KAZN: variants seen among roughly 807,000 people sequenced by gnomAD.
KAZN encodes the protein kazrin, periplakin interacting protein.
In KAZN, 40 loss-of-function variants were observed where a neutral mutation model predicts 87.4. That is an observed-to-expected ratio of 0.46 (90% CI 0.36 to 0.60). The LOEUF (loss-of-function observed/expected upper bound fraction) is 0.60. Among genes scored for constraint, KAZN ranks in the 20% least tolerant of loss-of-function variants. The pLI, the probability that KAZN is intolerant of heterozygous loss-of-function variation, is 0.00. For missense variants in KAZN, 898 were observed against 1,073.9 expected, an observed-to-expected ratio of 0.84 and a Z score of 2.29; for synonymous variants, 466 against 458.3, an observed-to-expected ratio of 1.02 and a Z score of -0.22.
rs6683241 is a variant in KAZN, at chr1:14,237,670, C to T, written c.249+57078C>T. 2.8e-3 allele frequency among the ~76,000 whole-genome samples: 424 copies of T among 152,194 alleles called. 4 individuals are homozygous for T. The highest frequency in any genetic ancestry group is 9.5e-3 in the African/African-American group (394 of 41,516). On this transcript the variant is annotated intron_variant, in intron 2 of 16. Coordinates refer to the KAZN transcript ENST00000636203. The stretch of plus-strand genomic sequence containing the variant: ...TGAAATAATTCAAGCAGATTATTGA[C>T]GCAGCAAACATTTATTAAGGACCTA...
In KAZN at chr1:14,785,538, C is replaced by G. The variant is rs192338578; in HGVS notation, c.227-175146C>G. ...CCGCGGGAGCTTCATGTTACTCCCTCTCCCCAGTGACCTTCCTGCTCCGAC... is the reference window on the plus strand; with the variant it reads ...CCGCGGGAGCTTCATGTTACTCCCTGTCCCCAGTGACCTTCCTGCTCCGAC... On this transcript the variant is annotated intron_variant, in intron 1 of 14. Coordinates refer to ENST00000376030, the MANE Select transcript of KAZN (RefSeq NM_201628.3). Among the ~76,000 whole-genome samples, 503 of 152,262 alleles carry G rather than the reference C, an allele frequency of 3.3e-3. 3 individuals are homozygous for G. Among genetic ancestry groups the G allele is most frequent in the African/African-American group, 0.011 (471 of 41,546 alleles).
intron 1 of KAZN, among the ~76,000 whole-genome samples, chr1:13,947,725 G>A (rs1313047232): frequency 6.6e-6 from 1 of 152,152 alleles, no homozygotes; most frequent in Non-Finnish European, 1.5e-5. Flanking sequence ...AGCGGTGTTA[G>A]TCTTTTCTGA....
intron 5 of KAZN, among the ~76,000 whole-genome samples, chr1:15,057,800 A>C (rs1398511913): frequency 6.6e-6 from 1 of 152,214 alleles, no homozygotes; most frequent in Non-Finnish European, 1.5e-5. Flanking sequence ...GGGCAGCAGG[A>C]GGGCAGAGGT....
intron 1 of KAZN, among the ~76,000 whole-genome samples, chr1:14,907,056 C>T (rs912403698): frequency 2.0e-5 from 3 of 151,664 alleles, no homozygotes; most frequent in East Asian, 1.9e-4. Context: ...AGCAACTCCT[C>T]GGAGTTTATT....
intron 2 of KAZN, among the ~76,000 whole-genome samples, chr1:14,451,713 A>G (rs536155051): frequency 2.0e-5 from 3 of 152,130 alleles, no homozygotes; most frequent in Non-Finnish European, 4.4e-5. Context: ...CTGAAGACCC[A>G]AGAGAGTGGG....
rs146229653 is a variant in KAZN, at chr1:14,086,725, G to T, written c.92-93710G>T. 6.3e-3 allele frequency among the ~76,000 whole-genome samples: 961 copies of T among 152,172 alleles called. 10 individuals carry two copies. In the South Asian group the frequency reaches 0.066, roughly 10 times the overall value. On this transcript the variant is annotated intron_variant, in intron 1 of 16. Coordinates refer to the KAZN transcript ENST00000636203. Reference sequence around the variant, plus strand: ...TTACATTTAGGTCTATGATCCATTTGGAGTTAATTTTTGTACATAGTATGA... The same window carrying T: ...TTACATTTAGGTCTATGATCCATTTTGAGTTAATTTTTGTACATAGTATGA...
intron 2 of KAZN, among the ~76,000 whole-genome samples, chr1:14,375,538 C>A (rs1299400684): frequency 6.6e-6 from 1 of 152,176 alleles, no homozygotes; most frequent in Non-Finnish European, 1.5e-5. Flanking sequence ...TAAGATTAAA[C>A]CAATCTGCAT....
chr1:14,363,220 A>C (rs983966563), intron 2 of KAZN, among the ~76,000 whole-genome samples: 1 of 151,884 alleles, frequency 6.6e-6, no homozygotes, highest in African/African-American at 2.4e-5. Flanking sequence ...TCTATAAACT[A>C]CTCCTGGAAG....
At chr1:14,487,850 G>A (rs1432613268) in intron 2 of KAZN, among the ~76,000 whole-genome samples, 1 of 152,176 alleles carries the variant, frequency 6.6e-6, no homozygotes, top group Non-Finnish European at 1.5e-5. Flanking sequence ...TTGCAGATCT[G>A]GGTAGATAGT....
chr1:14,825,036 G>A (rs945660278), intron 1 of KAZN, among the ~76,000 whole-genome samples: 6 of 152,244 alleles, frequency 3.9e-5, no homozygotes, highest in African/African-American at 9.6e-5. Context: ...TGCTCACAGC[G>A]CATCCCCCTT....
At chr1:14,552,029 T>C (rs550855194) in intron 2 of KAZN, among the ~76,000 whole-genome samples, 2 of 152,282 alleles carry the variant, frequency 1.3e-5, no homozygotes, top group South Asian at 4.1e-4. Flanking sequence ...GCTATCAATA[T>C]GTCTGAGTGC....
chr1:14,593,605 T>C (rs1277512392), intron 2 of KAZN, among the ~76,000 whole-genome samples: 1 of 152,224 alleles, frequency 6.6e-6, no homozygotes, highest in African/African-American at 2.4e-5. Context: ...AGCCAAACTC[T>C]TGGGGACTTA....
intron 1 of KAZN, among the ~76,000 whole-genome samples, chr1:14,892,495 C>T (rs1305691055): frequency 6.6e-6 from 1 of 151,798 alleles, no homozygotes; most frequent in Admixed American, 6.6e-5. Context: ...TCCCCCCAGA[C>T]ACCACCATGG....
At chr1:14,095,550 G>A (rs999008773) in intron 1 of KAZN, among the ~76,000 whole-genome samples, 1 of 152,180 alleles carries the variant, frequency 6.6e-6, no homozygotes, top group Non-Finnish European at 1.5e-5. Flanking sequence ...CAGGTTGGAA[G>A]ACATGAAAGG....
chr1:14,911,978 G>T (rs1358917846), intron 1 of KAZN, among the ~76,000 whole-genome samples: 4 of 151,798 alleles, frequency 2.6e-5, no homozygotes, highest in African/African-American at 9.7e-5. Context: ...ATGATGGCAC[G>T]TTATCTCTAC....
At chr1:14,196,914 C>T (rs1032808779) in intron 2 of KAZN, among the ~76,000 whole-genome samples, 3 of 151,968 alleles carry the variant, frequency 2.0e-5, no homozygotes, top group African/African-American at 7.3e-5. Context: ...GAGAGTGCTG[C>T]CACCATAGCA....
chr1:15,063,518 C>G (rs1638971385), intron 6 of KAZN, 54 bp from the exon 7 acceptor site: 1 of 1,516,958 alleles, frequency 6.6e-7, no homozygotes. Flanking sequence ...CGCCTCTGCT[C>G]TCCTGTGTCA....
chr1:13,945,097 T>C (rs1641086472), intron 1 of KAZN, among the ~76,000 whole-genome samples: 1 of 152,086 alleles, frequency 6.6e-6, no homozygotes, highest in South Asian at 2.1e-4. Flanking sequence ...CATTACTAGA[T>C]ATAAAGAGAA....
intron 1 of KAZN, among the ~76,000 whole-genome samples, chr1:14,157,594 A>G (rs182193295): frequency 2.0e-4 from 31 of 152,282 alleles, no homozygotes; most frequent in Admixed American, 2.0e-3. Context: ...GTCTGCTGCC[A>G]GAGGTATTGG....
Sources: gnomAD v4.1 joint callset for allele counts (sites outside exome capture counted in the v4.1 genomes callset) on GRCh38, gnomAD v4.1.1 for gene constraint, MANE v1.5 for transcripts, NCBI Gene and HGNC (gene_info 2026-07-23, HGNC 2026-07-21) for gene names.